The following LYPD8 variants were observed in gnomAD, a reference collection of about 807,000 sequenced individuals.
The protein encoded by LYPD8 is ly6/PLAUR domain-containing protein 8.
Under a neutral mutation model 1.7 loss-of-function variants are expected in LYPD8, and 8 were observed. That is an observed-to-expected ratio of 4.58 (90% CI 2.69 to 8.27). LYPD8 has a LOEUF of 8.27. Among genes scored for constraint, LYPD8 ranks in the 30% most tolerant of loss-of-function variants. The pLI is 0.00. For synonymous variants in LYPD8, 50 were observed against 43.6 expected (o/e 1.15, Z -0.58); for missense variants, 112 against 102.3 (o/e 1.09, Z -0.41).
chr1:248,755,173 G>T (rs1370103293), intron 2 of LYPD8, 66 bp downstream of exon 2: 23 of 152,412 alleles, frequency 1.5e-4, no homozygotes, highest in African/African-American at 5.5e-4. Flanking sequence ...AGGACCCAGG[G>T]CCGTGCTCAA....
chr1:248,743,978 A>C (rs1662673447), intron 6 of LYPD8, among the ~76,000 whole-genome samples: 1 of 152,214 alleles, frequency 6.6e-6, no homozygotes, highest in African/African-American at 2.4e-5. Flanking sequence ...TTAACTTTTT[A>C]ACTAGTTAAG....
At chr1:248,752,977 ACAC>A (rs1310075753) in intron 2 of LYPD8, among the ~76,000 whole-genome samples, 1 of 104,478 alleles carries the variant, frequency 9.6e-6, no homozygotes, top group Non-Finnish European at 1.9e-5. Flanking sequence ...CACAACACAC[ACAC>A]AACACAACAC....
At chr1:248,742,812 A>G (rs369722953) in intron 6 of LYPD8, among the ~76,000 whole-genome samples, 3,173 of 20,690 alleles carry the variant, frequency 0.15, 382 homozygotes, top group African/African-American at 0.38. Flanking sequence ...GTTGGCAGCC[A>G]GGGAGATTAT....
Position 248,748,381 on chromosome 1 carries a change from G to A in LYPD8, c.245C>T (p.Ala82Val). Residue 82 changes from alanine (A) to valine (V), a missense_variant, in exon 5 of 7, where the codon GCC becomes GTC. Ala to Val is a moderately conservative substitution (Grantham distance 64, BLOSUM62 0). Transcript: ENST00000590317. ...ENCSEETHITAFTVHVSAEEH... is the reference protein window; with the variant it reads ...ENCSEETHITVFTVHVSAEEH... ...TTCAGCAGACACGTGGACAGTGAAG[G>A]CTGTAATGTGTGTCTCCTCACTGCA... is the stretch of plus-strand genomic sequence containing the variant. 2 of 443,234 alleles carry A rather than the reference G, an allele frequency of 4.5e-6. No homozygotes were observed. Among genetic ancestry groups the A allele is most frequent in the Admixed American group, 4.4e-5 (1 of 22,912 alleles). The allele number at this position is 443,234 out of a possible 1,614,324, so 27.5% of individuals were successfully genotyped here.
At chr1:248,744,625 G>T (rs192750758) in intron 6 of LYPD8, among the ~76,000 whole-genome samples, 1 of 121,168 alleles carries the variant, frequency 8.3e-6, no homozygotes, top group East Asian at 3.2e-4. Flanking sequence ...TCTCACAATG[G>T]GTAGTGTCAA....
chr1:248,741,109 G>A (rs1662589042), intron 6 of LYPD8, among the ~76,000 whole-genome samples: 1 of 149,754 alleles, frequency 6.7e-6, no homozygotes, highest in African/African-American at 2.6e-5. Context: ...GCGAGACCCT[G>A]TCTTGAACAG....
In LYPD8 at chr1:248,739,927, C is replaced by G. The variant is rs1662558841; in HGVS notation, c.476-78G>C. The G allele has an allele frequency of 6.6e-7, 1 of 1,525,528 alleles. No homozygotes were observed. Among genetic ancestry groups the G allele is most frequent in the African/African-American group, 1.4e-5 (1 of 72,638 alleles). The allele number at this position is 1,525,528 out of a possible 1,614,324, so 94.5% of individuals were successfully genotyped here. ...CCCACGCCTGCTCTTAGTTCTTCACCTGCAGCACGGTGGCCCGGTGACCAG... is the reference window on the plus strand; with the variant it reads ...CCCACGCCTGCTCTTAGTTCTTCACGTGCAGCACGGTGGCCCGGTGACCAG... On this transcript the variant is annotated intron_variant, in intron 6 of 6. Transcript: ENST00000590317. This position sits in a 1 kb window ranked among gnomAD's most constrained non-coding sequence, Gnocchi z 4.3.
At chr1:248,742,249 G>C (rs1212598324) in intron 6 of LYPD8, among the ~76,000 whole-genome samples, 1 of 133,902 alleles carries the variant, frequency 7.5e-6, no homozygotes, top group Non-Finnish European at 1.6e-5. Flanking sequence ...GTTGGCAGCC[G>C]GGGGAGGTTA....
rs2103169142 is a variant in LYPD8 at position 248,745,121 on chromosome 1, A to T, written c.475+21T>A. On this transcript the variant is annotated intron_variant, in intron 6 of 6. Transcript: ENST00000590317. Reference sequence around the variant, plus strand: ...GTTTCCAGCCCAAGTCCCATAGAGGAATTAGAACTCCAAGACTTACCATTC... The same window carrying T: ...GTTTCCAGCCCAAGTCCCATAGAGGTATTAGAACTCCAAGACTTACCATTC... 8 of 398,500 alleles carry T rather than the reference A, an allele frequency of 2.0e-5. No homozygotes were observed. The East Asian group carries it at 2.9e-4, about 14-fold the overall frequency. The allele number at this position is 398,500 out of a possible 1,614,324, so 24.7% of individuals were successfully genotyped here. A position where few individuals can be genotyped will look rare whatever the true frequency, so the allele number is the denominator to read the frequency against.
In LYPD8 at chr1:248,739,592, A is replaced by AT. The variant is rs1553283012; in HGVS notation, c.*18_*19insA. On this transcript the variant is annotated 3_prime_UTR_variant, in exon 7 of 7. Transcript: ENST00000590317. The surrounding 1 kb of genome is among the most constrained non-coding windows in gnomAD (Gnocchi z 4.3). ...GAGAAGCAGAAATGGGGTGCTGGGCAAAGTGCAGCCCCAGGACCTCAGGGC... is the reference window on the plus strand; with the variant it reads ...GAGAAGCAGAAATGGGGTGCTGGGCATAAGTGCAGCCCCAGGACCTCAGGGC... The AT allele has an allele frequency of 1.3e-6, 2 of 1,550,530 alleles. No homozygotes were observed. Among genetic ancestry groups the AT allele is most frequent in the African/African-American group, 2.7e-5 (2 of 73,000 alleles).
At chr1:248,748,245 G>T (rs1207130353) in intron 5 of LYPD8, 44 bp downstream of exon 5, 1 of 379,324 alleles carries the variant, frequency 2.6e-6, no homozygotes, top group Non-Finnish European at 4.5e-6. Context: ...TCCCCCGCAC[G>T]GCCAGCACCC....
chr1:248,740,449 G>A (rs1662570595), intron 6 of LYPD8, among the ~76,000 whole-genome samples: 1 of 152,224 alleles, frequency 6.6e-6, no homozygotes, highest in Non-Finnish European at 1.5e-5. Context: ...ACTAGAAAAA[G>A]GCCTGGGGCA....
At chr1:248,752,922 ACCACATC>A (rs1662840127) in intron 2 of LYPD8, among the ~76,000 whole-genome samples, 4 of 76,794 alleles carry the variant, frequency 5.2e-5, no homozygotes, top group Non-Finnish European at 7.4e-5. Context: ...ACACCAACAC[ACCACATC>A]ACACACACAC....
chr1:248,754,786 C>T (rs903811468), intron 2 of LYPD8, among the ~76,000 whole-genome samples: 202 of 152,240 alleles, frequency 1.3e-3, no homozygotes, highest in Admixed American at 2.9e-3. Context: ...CACATCTGGT[C>T]TGGAGCTTGT....
chr1:248,753,204 CACA>C (rs1662853816), intron 2 of LYPD8, among the ~76,000 whole-genome samples: 1 of 115,192 alleles, frequency 8.7e-6, no homozygotes, highest in African/African-American at 3.5e-5. Flanking sequence ...TCACACCCCA[CACA>C]ACACACACAC....
chr1:248,750,258 T>C (rs1662776812), intron 4 of LYPD8, among the ~76,000 whole-genome samples: 2 of 151,456 alleles, frequency 1.3e-5, no homozygotes, highest in South Asian at 4.2e-4. Context: ...TCACATCCAC[T>C]GACATGCGTC....
rs1572155519 is a variant in LYPD8, at chr1:248,750,393, A to G, written c.172+131T>C. 37 of 395,002 alleles carry G rather than the reference A, an allele frequency of 9.4e-5. No homozygotes were observed. The East Asian group carries it at 1.3e-3, about 14-fold the overall frequency. The allele number at this position is 395,002 out of a possible 1,614,324, so 24.5% of individuals were successfully genotyped here. A position where few individuals can be genotyped will look rare whatever the true frequency, so the allele number is the denominator to read the frequency against. On this transcript the variant is annotated intron_variant, in intron 4 of 6. Transcript: ENST00000590317. ...CCAAGCGTTGTTTCTCCTGGGAGTC[A>G]CCTTTGTGGCTTCCTCTCTCCTTGG... is the stretch of plus-strand genomic sequence containing the variant.
At chr1:248,750,667 C>G (rs1158594405) in intron 3 of LYPD8, 24 bp from the exon 4 acceptor site, 3 of 398,450 alleles carry the variant, frequency 7.5e-6, no homozygotes, top group Non-Finnish European at 1.3e-5. Flanking sequence ...ACATCCAACA[C>G]CAGTCAACAT....
In LYPD8 at chr1:248,743,860, G is replaced by T. The variant is rs1213541073; in HGVS notation, c.475+1282C>A. 3.9e-5 allele frequency among the ~76,000 whole-genome samples: 6 copies of T among 152,210 alleles called. No individual in the cohort carries two copies. In the East Asian group the frequency reaches 1.2e-3, roughly 29 times the overall value. ...AGCTGCCAAGACCCGGTGAGTGGGG[G>T]CCAGAGCTACAAGACAGAAGGAGCG... On this transcript the variant is annotated intron_variant, in intron 6 of 6. Transcript: ENST00000590317.
Sources: allele counts gnomAD v4.1 joint callset (sites outside exome capture counted in the v4.1 genomes callset), GRCh38; gene constraint gnomAD v4.1.1; non-coding constraint Gnocchi (gnomAD v3.1); transcripts MANE v1.5; gene names NCBI Gene and HGNC (gene_info 2026-07-23, HGNC 2026-07-21).